RASGRF2: variants seen among roughly 807,000 people sequenced by gnomAD.
RASGRF2 encodes Ras protein specific guanine nucleotide releasing factor 2.
Under a neutral mutation model 151.0 loss-of-function variants are expected in RASGRF2, and 76 were observed. That is an observed-to-expected ratio of 0.50 (90% confidence interval 0.42 to 0.61). The LOEUF (loss-of-function observed/expected upper bound fraction) is 0.61, where lower values mean the gene tolerates loss of function less well. Among genes scored for constraint, RASGRF2 ranks in the 20% least tolerant of loss-of-function variants. RASGRF2 has a pLI of 0.00. For synonymous variants in RASGRF2, 504 were observed against 566.5 expected, an observed-to-expected ratio of 0.89 and a Z score of 1.57; for missense variants, 1,148 against 1,564.6, an observed-to-expected ratio of 0.73 and a Z score of 4.49.
chr5:81,006,665 G>A (rs1321610206), intron 1 of RASGRF2, among the ~76,000 whole-genome samples: 1 of 152,156 alleles, frequency 6.6e-6, no homozygotes, highest in East Asian at 1.9e-4. Context: ...GCTGAACCGA[G>A]GAAGGAGCCT....
intron 19 of RASGRF2, among the ~76,000 whole-genome samples, chr5:81,205,386 T>A (rs1329028029): frequency 6.6e-6 from 1 of 152,222 alleles, no homozygotes; most frequent in East Asian, 1.9e-4. Flanking sequence ...TGAGCTTTTG[T>A]TTCCTTATCT....
chr5:81,077,112 G>A (rs1206874792), intron 5 of RASGRF2, among the ~76,000 whole-genome samples: 2 of 152,136 alleles, frequency 1.3e-5, no homozygotes, highest in Non-Finnish European at 2.9e-5. Flanking sequence ...CAATAAAAAG[G>A]TGGTGGGATC....
At chr5:81,150,793 A>G (rs1011007905) in intron 17 of RASGRF2, among the ~76,000 whole-genome samples, 2 of 152,214 alleles carry the variant, frequency 1.3e-5, no homozygotes, top group Non-Finnish European at 2.9e-5. Context: ...CAATAAAAGG[A>G]GTGTAATTTC....
intron 26 of RASGRF2, 146 bp downstream of exon 26, chr5:81,219,924 T>TAA (rs34019036): frequency 1.2e-3 from 422 of 366,212 alleles, no homozygotes; most frequent in South Asian, 2.9e-3. Context: ...CTAGTCTGAT[T>TAA]AAAAAAAAAA....
At chr5:81,042,807 G>C in intron 1 of RASGRF2, 70 bp from the exon 2 acceptor site, 1 of 1,069,754 alleles carries the variant, frequency 9.3e-7, no homozygotes, top group Non-Finnish European at 1.4e-6. Context: ...TTTGTAGGCA[G>C]ATACTGTGTT....
intron 17 of RASGRF2, among the ~76,000 whole-genome samples, chr5:81,129,404 A>G (rs920678175): frequency 5.9e-5 from 9 of 152,130 alleles, no homozygotes; most frequent in Admixed American, 4.6e-4. Flanking sequence ...GATGTTCTCT[A>G]ATGGACATTA....
At chr5:81,178,017 A>G (rs114011955) in intron 17 of RASGRF2, among the ~76,000 whole-genome samples, 1,887 of 152,354 alleles carry the variant, frequency 0.012, 33 homozygotes, top group African/African-American at 0.043. Context: ...AGCCATCTAA[A>G]GAGCTTTAAG....
chr5:81,019,139 A>T (rs1749744376), intron 1 of RASGRF2, among the ~76,000 whole-genome samples: 1 of 113,994 alleles, frequency 8.8e-6, no homozygotes, highest in South Asian at 2.9e-4. Flanking sequence ...CTCTCTTCTG[A>T]CTGGGATGGA....
intron 17 of RASGRF2, among the ~76,000 whole-genome samples, chr5:81,156,204 A>G (rs1341049300): frequency 1.3e-5 from 2 of 152,218 alleles, no homozygotes; most frequent in Non-Finnish European, 2.9e-5. Context: ...ATTTTTCCCA[A>G]AAGAAAACCT....
intron 1 of RASGRF2, among the ~76,000 whole-genome samples, chr5:80,963,882 T>C (rs1194321259): frequency 6.6e-6 from 1 of 152,222 alleles, no homozygotes; most frequent in Non-Finnish European, 1.5e-5. Flanking sequence ...TATCCTTCAA[T>C]GATTTTTATG....
At chr5:81,142,503 T>C (rs1174142782) in intron 17 of RASGRF2, among the ~76,000 whole-genome samples, 1 of 152,226 alleles carries the variant, frequency 6.6e-6, no homozygotes, top group East Asian at 1.9e-4. Context: ...GGTCAAAATG[T>C]TGGCTGCATG....
intron 20 of RASGRF2, 29 bp downstream of exon 20, chr5:81,206,934 C>T (rs770139228): frequency 6.6e-7 from 1 of 1,520,782 alleles, no homozygotes; most frequent in Non-Finnish European, 9.1e-7. Flanking sequence ...TTATCTAGCA[C>T]AACTATGTGC....
chr5:80,995,228 C>G (rs908198258), intron 1 of RASGRF2, among the ~76,000 whole-genome samples: 2 of 148,366 alleles, frequency 1.3e-5, no homozygotes, highest in Admixed American at 1.4e-4. Context: ...TGCCCTCCAG[C>G]CTGGGCGATA....
At chr5:81,138,936 C>T (rs1753818928) in intron 17 of RASGRF2, among the ~76,000 whole-genome samples, 1 of 152,122 alleles carries the variant, frequency 6.6e-6, no homozygotes, top group Non-Finnish European at 1.5e-5. Flanking sequence ...AGATTCTCAA[C>T]TTGGTGGGAT....
intron 1 of RASGRF2, among the ~76,000 whole-genome samples, chr5:81,003,081 A>G (rs1580190045): frequency 6.6e-6 from 1 of 151,632 alleles, no homozygotes; most frequent in Middle Eastern, 3.4e-3. Context: ...GAGAGAGAGA[A>G]AGTCTCGCTC....
chr5:81,059,301 G>A (rs1025589021), intron 2 of RASGRF2, among the ~76,000 whole-genome samples: 1 of 150,586 alleles, frequency 6.6e-6, no homozygotes, highest in African/African-American at 2.4e-5. Flanking sequence ...GAATAATGGC[G>A]TGAACCCGGG....
chr5:80,991,661 T>C (rs1325485533), intron 1 of RASGRF2, among the ~76,000 whole-genome samples: 1 of 152,238 alleles, frequency 6.6e-6, no homozygotes, highest in Non-Finnish European at 1.5e-5. Context: ...TGTATATTGA[T>C]GTACATTTTT....
intron 18 of RASGRF2, 94 bp from the exon 19 acceptor site, chr5:81,201,236 G>A: frequency 6.7e-7 from 1 of 1,485,948 alleles, no homozygotes; most frequent in South Asian, 1.5e-5. Context: ...TCCATACCTA[G>A]CTTCTAGAGA....
chr5:81,208,047 T>C (rs1387891733), intron 21 of RASGRF2, among the ~76,000 whole-genome samples: 2 of 152,240 alleles, frequency 1.3e-5, no homozygotes, highest in African/African-American at 4.8e-5. Flanking sequence ...CTTAACCTCT[T>C]TATTTCCCTT....
Sources: allele counts gnomAD v4.1 joint callset (sites outside exome capture counted in the v4.1 genomes callset), GRCh38; gene constraint gnomAD v4.1.1; transcripts MANE v1.5; gene names NCBI Gene and HGNC (gene_info 2026-07-23, HGNC 2026-07-21).